Variants in USP12 observed in about 807,000 individuals in gnomAD.
The protein encoded by USP12 is ubiquitin specific peptidase 12, also known as ubiquitin carboxyl-terminal hydrolase 12.
In USP12, 19 loss-of-function variants were observed where a neutral mutation model predicts 45.5. The observed-to-expected ratio is 0.42, with a 90% CI of 0.29 to 0.61. USP12 has a LOEUF of 0.61. USP12 is among the 20% of genes least tolerant of loss of function. The pLI is 0.22. For missense variants in USP12, 242 were observed against 447.7 expected, an observed-to-expected ratio of 0.54 and a Z score of 4.15; for synonymous variants, 149 against 148.8, an observed-to-expected ratio of 1.00 and a Z score of -0.01.
chr13:27,169,709 CTG>C (rs1420797122), intron 1 of USP12, among the ~76,000 whole-genome samples: 1 of 152,144 alleles, frequency 6.6e-6, no homozygotes, highest in African/African-American at 2.4e-5. Context: ...TGGCAAATCC[CTG>C]TGTCTCACTG....
In USP12 at chr13:27,066,313, CAG is replaced by C. The variant is rs1243974175; in HGVS notation, c.*2968_*2969del. On this transcript the variant is annotated 3_prime_UTR_variant, in exon 9 of 9. Coordinates refer to ENST00000282344, the MANE Select transcript of USP12 (RefSeq NM_182488.4). ...TTTACAAGACAGGGAGACTGAAGCA[CAG>C]AGAGGTTAAGTGACTTGCCCAAGGT... 1 of 152,344 alleles carries C rather than the reference CAG, an allele frequency of 6.6e-6. No individual in the cohort carries two copies. The highest frequency in any genetic ancestry group is 2.4e-5 in the African/African-American group (1 of 41,440). 9.4% of individuals were successfully genotyped at this position (152,344 alleles called of 1,614,324 possible).
rs183968804 is a variant in USP12, at chr13:27,104,041, C to G, written c.343+1690G>C. ...TGTATGAGCTGCATACTTCTGAACT[C>G]TTTTTTTTTAGAGACAGGGTCTTGC... On this transcript the variant is annotated intron_variant, in intron 3 of 8. Coordinates refer to ENST00000282344, the MANE Select transcript of USP12 (RefSeq NM_182488.4). Among the ~76,000 whole-genome samples the G allele has an allele frequency of 1.1e-3, 159 of 150,796 alleles. No individual in the cohort carries two copies. In the Middle Eastern group the frequency reaches 0.014, roughly 13 times the overall value.
At chr13:27,078,525 G>C (rs1246837785) in intron 6 of USP12, among the ~76,000 whole-genome samples, 3 of 151,800 alleles carry the variant, frequency 2.0e-5, no homozygotes, top group African/African-American at 7.3e-5. Context: ...TCTTGATAAT[G>C]TCTAGTTATA....
intron 6 of USP12, among the ~76,000 whole-genome samples, chr13:27,085,283 C>T (rs144599280): frequency 6.6e-6 from 1 of 151,974 alleles, no homozygotes; most frequent in African/African-American, 2.4e-5. Flanking sequence ...CAGGTTCAAG[C>T]AATTCTCTTG....
chr13:27,144,028 A>G (rs1566002151), intron 1 of USP12, among the ~76,000 whole-genome samples: 1 of 152,050 alleles, frequency 6.6e-6, no homozygotes, highest in Non-Finnish European at 1.5e-5. Context: ...ACATGGGGAA[A>G]CCCTGTCTCT....
intron 1 of USP12, among the ~76,000 whole-genome samples, chr13:27,131,437 C>G (rs931091979): frequency 2.0e-5 from 3 of 152,124 alleles, no homozygotes; most frequent in African/African-American, 7.2e-5. Flanking sequence ...AAACGTAAAG[C>G]ATTATGTAAA....
intron 1 of USP12, among the ~76,000 whole-genome samples, chr13:27,145,116 T>C (rs919714416): frequency 1.3e-5 from 2 of 152,142 alleles, no homozygotes; most frequent in African/African-American, 2.4e-5. Context: ...CTGTATCAAA[T>C]GTAGCCATCC....
chr13:27,081,769 TTA>T (rs1278628318), intron 6 of USP12, among the ~76,000 whole-genome samples: 1 of 152,250 alleles, frequency 6.6e-6, no homozygotes, highest in African/African-American at 2.4e-5. Flanking sequence ...AGAATGGATC[TTA>T]TGTTAGCAGG....
intron 1 of USP12, among the ~76,000 whole-genome samples, chr13:27,134,433 A>G (rs1020734371): frequency 1.3e-5 from 2 of 152,218 alleles, no homozygotes; most frequent in African/African-American, 2.4e-5. Context: ...TAAAATTTCA[A>G]TGAGTTTCAA....
At chr13:27,165,361 C>T (rs1046890288) in intron 1 of USP12, among the ~76,000 whole-genome samples, 48 of 152,160 alleles carry the variant, frequency 3.2e-4, no homozygotes, top group African/African-American at 1.0e-3. Context: ...AATAAACTAA[C>T]GTTTCTTATA....
intron 1 of USP12, among the ~76,000 whole-genome samples, chr13:27,138,342 T>C (rs1876902897): frequency 6.6e-6 from 1 of 152,192 alleles, no homozygotes; most frequent in Non-Finnish European, 1.5e-5. Context: ...CAAAGATGTA[T>C]GAACAAGTCT....
At chr13:27,120,837 A>C (rs1307578157) in intron 1 of USP12, among the ~76,000 whole-genome samples, 1 of 152,218 alleles carries the variant, frequency 6.6e-6, no homozygotes, top group Non-Finnish European at 1.5e-5. Flanking sequence ...TGATGAAAAC[A>C]ACCAAAAGAT....
intron 3 of USP12, 143 bp downstream of exon 3, chr13:27,105,588 T>G: frequency 2.7e-6 from 2 of 746,324 alleles, no homozygotes; most frequent in Non-Finnish European, 4.3e-6. Flanking sequence ...GAGTGCCTCT[T>G]TGAAGAAAGG....
At chr13:27,083,299 C>T (rs1347558687) in intron 6 of USP12, among the ~76,000 whole-genome samples, 1 of 152,188 alleles carries the variant, frequency 6.6e-6, no homozygotes, top group African/African-American at 2.4e-5. Context: ...AATGTGCACA[C>T]ATGCTGTTGG....
chr13:27,149,527 G>C (rs1460223161), intron 1 of USP12, among the ~76,000 whole-genome samples: 2 of 152,212 alleles, frequency 1.3e-5, no homozygotes, highest in Admixed American at 6.5e-5. Flanking sequence ...AGTTCAGCAA[G>C]GTTGCGGGTT....
At chr13:27,087,589 G>T (rs1874120001) in intron 6 of USP12, among the ~76,000 whole-genome samples, 1 of 152,212 alleles carries the variant, frequency 6.6e-6, no homozygotes, top group Admixed American at 6.5e-5. Flanking sequence ...GCGGGCTCAG[G>T]AACAATGACA....
intron 1 of USP12, among the ~76,000 whole-genome samples, chr13:27,133,854 G>C (rs1286460718): frequency 6.6e-6 from 1 of 152,242 alleles, no homozygotes; most frequent in African/African-American, 2.4e-5. Flanking sequence ...ATTTGGGGCT[G>C]GGAGTGGTGG....
chr13:27,151,338 T>A (rs1877560340), intron 1 of USP12, among the ~76,000 whole-genome samples: 1 of 151,738 alleles, frequency 6.6e-6, no homozygotes, highest in Non-Finnish European at 1.5e-5. Context: ...AGAAAAAAAA[T>A]TAGATAAATT....
chr13:27,101,744 T>C (rs965274573), intron 3 of USP12, among the ~76,000 whole-genome samples: 1 of 152,214 alleles, frequency 6.6e-6, no homozygotes, highest in African/African-American at 2.4e-5. Flanking sequence ...CAAAATACCA[T>C]TTATGCTCTT....
Sources: allele counts gnomAD v4.1 joint callset (sites outside exome capture counted in the v4.1 genomes callset), GRCh38; gene constraint gnomAD v4.1.1; transcripts MANE v1.5; gene names NCBI Gene and HGNC (gene_info 2026-07-23, HGNC 2026-07-21).